TENM1: variants seen among roughly 807,000 people sequenced by gnomAD.
The protein encoded by TENM1 is teneurin transmembrane protein 1, also known as teneurin-1.
TENM1 carries 35 observed loss-of-function variants against 174.8 expected under a neutral mutation model. That is an observed-to-expected ratio of 0.20 (90% CI 0.15 to 0.27). The LOEUF (loss-of-function observed/expected upper bound fraction) is 0.27, where lower values mean the gene tolerates loss of function less well. Among genes scored for constraint, TENM1 ranks in the 10% least tolerant of loss-of-function variants. The pLI is 1.00. For synonymous variants in TENM1, 781 were observed against 798.7 expected (o/e 0.98, Z 0.37); for missense variants, 1,633 against 2,130.1 (o/e 0.77, Z 4.59).
intron 11 of TENM1, among the ~76,000 whole-genome samples, chrX:124,582,990 C>T (rs1432839066): frequency 3.6e-5 from 4 of 112,496 alleles, no homozygotes; most frequent in Non-Finnish European, 5.6e-5. Context: ...GAGGGGCACC[C>T]GCCATTGCCC....
At chrX:124,645,505 G>A (rs998194508) in intron 9 of TENM1, among the ~76,000 whole-genome samples, 168 bp from the exon 13 acceptor site, 1 of 111,894 alleles carries the variant, frequency 8.9e-6, no homozygotes, top group Non-Finnish European at 1.9e-5. Context: ...TTCCTCTTAT[G>A]GGAGTGAAAT....
intron 4 of TENM1, among the ~76,000 whole-genome samples, chrX:124,725,504 T>C (rs2053424680): frequency 8.9e-6 from 1 of 112,280 alleles, no homozygotes. Context: ...ATGTTACTGT[T>C]TATTTGCTTA....
chrX:124,657,861 A>C (rs1241573056), intron 6 of TENM1, among the ~76,000 whole-genome samples: 1 of 112,431 alleles, frequency 8.9e-6, no homozygotes, highest in Non-Finnish European at 1.9e-5. Context: ...TTTTCCAAAG[A>C]GAAGAAATAT....
At chrX:125,065,927 T>C in the TENM1 span, among the ~76,000 whole-genome samples, 1 of 111,904 alleles carries the variant, frequency 8.9e-6, no homozygotes, top group African/African-American at 3.2e-5. Flanking sequence ...TTTCAGCTGC[T>C]CAAAGTGTAC....
chrX:124,497,646 C>T (rs997435563), intron 19 of TENM1, among the ~76,000 whole-genome samples: 3 of 111,396 alleles, frequency 2.7e-5, no homozygotes, highest in Admixed American at 1.9e-4. Flanking sequence ...AGCACATACC[C>T]GTCTGACTTC....
intron 13 of TENM1, 72 bp from the exon 17 acceptor site, chrX:124,561,889 T>C: frequency 9.5e-7 from 1 of 1,052,767 alleles, no homozygotes; most frequent in Non-Finnish European, 1.3e-6. Flanking sequence ...TGTATTTGCC[T>C]ATAGGGAAGC....
At chrX:125,144,911 T>C in the TENM1 span, among the ~76,000 whole-genome samples, 5 of 109,652 alleles carry the variant, frequency 4.6e-5, no homozygotes, top group East Asian at 1.4e-3. Context: ...CCCAGTTAAT[T>C]TTTTGTATTT....
At chrX:124,551,528 CCACA>C (rs200848099) in intron 14 of TENM1, among the ~76,000 whole-genome samples, 75 of 101,783 alleles carry the variant, frequency 7.4e-4, no homozygotes, top group Middle Eastern at 4.8e-3. Flanking sequence ...ACACACACAC[CCACA>C]CACACACACA....
chrX:124,651,458 T>C (rs16999343), intron 8 of TENM1, among the ~76,000 whole-genome samples: 13,082 of 111,877 alleles, frequency 0.12, 1,614 homozygotes, highest in African/African-American at 0.37. Context: ...TCTTATGTTG[T>C]ATTTTAAAGC....
chrX:124,406,240 G>T, intron 26 of TENM1, 77 bp downstream of exon 29: 2 of 784,882 alleles, frequency 2.5e-6, no homozygotes, highest in Non-Finnish European at 3.7e-6. Context: ...TTCTGTTTAT[G>T]AATGGTGTAC....
the TENM1 span, among the ~76,000 whole-genome samples, chrX:125,110,746 A>C: frequency 5.3e-5 from 6 of 112,173 alleles, no homozygotes; most frequent in East Asian, 2.8e-4. Flanking sequence ...TTTATGTGCC[A>C]ATTTGTTTCT....
At position 124,660,357 on chromosome X, in the gene TENM1, T is replaced by G. The variant is rs113716769; in HGVS notation, c.1169-6574A>C. 7.2e-3 allele frequency among the ~76,000 whole-genome samples: 754 copies of G among 104,922 alleles called. 7 individuals carry two copies. Among genetic ancestry groups the G allele is most frequent in the African/African-American group, 0.025 (700 of 28,218 alleles). The allele number at this position is 104,922 out of a possible 115,157, so 91.1% of individuals were successfully genotyped here. A position where few individuals can be genotyped will look rare whatever the true frequency, so the allele number is the denominator to read the frequency against. ...ACCACTGCACTCAAGCCTGGGCGAC[T>G]GAGCTAGACTCCATCTCCAAAAAAA... On this transcript the variant is annotated intron_variant, in intron 6 of 31. Coordinates refer to ENST00000422452, the Ensembl canonical transcript of TENM1.
At chrX:125,087,896 A>G in the TENM1 span, among the ~76,000 whole-genome samples, 2 of 111,694 alleles carry the variant, frequency 1.8e-5, no homozygotes. Context: ...AAGCAGTCCA[A>G]ATAATTTGTG....
the TENM1 span, among the ~76,000 whole-genome samples, chrX:125,151,216 A>T: frequency 8.9e-6 from 1 of 112,490 alleles, no homozygotes; most frequent in Non-Finnish European, 1.9e-5. Flanking sequence ...GCTGGCTAAA[A>T]GTCCTTAGTA....
At chrX:124,771,242 C>A (rs964726131) in intron 3 of TENM1, among the ~76,000 whole-genome samples, 5 of 112,470 alleles carry the variant, frequency 4.4e-5, no homozygotes, top group African/African-American at 1.6e-4. Context: ...TCAGTAAGCA[C>A]AACATTTCAA....
the TENM1 span, among the ~76,000 whole-genome samples, chrX:125,201,070 T>C: frequency 1.8e-5 from 2 of 112,367 alleles, no homozygotes; most frequent in African/African-American, 3.2e-5. Context: ...TTTTCTGTTT[T>C]CAGAAACAAC....
the TENM1 span, among the ~76,000 whole-genome samples, chrX:125,108,091 T>C: frequency 8.9e-6 from 1 of 112,205 alleles, no homozygotes; most frequent in African/African-American, 3.2e-5. Context: ...CTAATGAGAT[T>C]ATGACATCTC....
intron 5 of TENM1, among the ~76,000 whole-genome samples, chrX:124,688,215 C>CCTTCT (rs2052419784): frequency 9.4e-6 from 1 of 106,276 alleles, no homozygotes; most frequent in Admixed American, 1.0e-4. Context: ...CTCTCCTCTC[C>CCTTCT]CTTCTCTTCT....
chrX:125,162,598 C>T, the TENM1 span, among the ~76,000 whole-genome samples: 2 of 111,812 alleles, frequency 1.8e-5, no homozygotes, highest in Non-Finnish European at 3.8e-5. Context: ...CTTCTTTCTG[C>T]CATTTCTCTA....
Sources: allele counts gnomAD v4.1 joint callset (sites outside exome capture counted in the v4.1 genomes callset), GRCh38; gene constraint gnomAD v4.1.1; transcripts MANE v1.5; gene names NCBI Gene and HGNC (gene_info 2026-07-23, HGNC 2026-07-21).